The following NUP62CL variants were observed in gnomAD, a reference collection of about 807,000 sequenced individuals.
NUP62CL encodes the protein nucleoporin-62 C-terminal-like protein.
A neutral mutation model predicts 15.3 loss-of-function variants in NUP62CL; 13 were observed. The ratio of observed to expected loss-of-function variants is 0.85; its 90% CI spans 0.55 to 1.35. The LOEUF is 1.35. NUP62CL is among the 40% of genes most tolerant of loss of function. The probability of loss-of-function intolerance (pLI) is 0.00; values close to 1 mark genes in which losing one functional copy is unlikely to be tolerated. For missense variants in NUP62CL, 123 were observed against 130.6 expected, an observed-to-expected ratio of 0.94 and a Z score of 0.28; for synonymous variants, 54 against 49.2, an observed-to-expected ratio of 1.10 and a Z score of -0.41.
intron 1 of NUP62CL, among the ~76,000 whole-genome samples, chrX:107,200,311 A>G (rs1927448271): frequency 9.0e-6 from 1 of 111,325 alleles, no homozygotes; most frequent in Non-Finnish European, 1.9e-5. Flanking sequence ...TCAAATGTTA[A>G]AAGTGTGATA....
intron 2 of NUP62CL, among the ~76,000 whole-genome samples, chrX:107,191,664 C>T (rs985321366): frequency 1.8e-5 from 2 of 110,581 alleles, no homozygotes; most frequent in African/African-American, 3.3e-5. Flanking sequence ...GCCAAGATCA[C>T]GCCACTGCAA....
At chrX:107,172,854 G>A (rs1235122812) in intron 3 of NUP62CL, among the ~76,000 whole-genome samples, 2 of 111,506 alleles carry the variant, frequency 1.8e-5, no homozygotes, top group African/African-American at 6.5e-5. Flanking sequence ...TGTACTCTTT[G>A]GCAATCATCT....
intron 8 of NUP62CL, among the ~76,000 whole-genome samples, chrX:107,128,435 A>T (rs192708285): frequency 1.8e-3 from 199 of 112,077 alleles, no homozygotes; most frequent in African/African-American, 6.1e-3. Flanking sequence ...ATAAATTGAA[A>T]CCATATATTG....
At chrX:107,165,595 A>G (rs1223235392) in intron 4 of NUP62CL, among the ~76,000 whole-genome samples, 1 of 111,266 alleles carries the variant, frequency 9.0e-6, no homozygotes, top group African/African-American at 3.3e-5. Flanking sequence ...AGGAAACCAA[A>G]TTTTTAAAAA....
At chrX:107,160,782 G>A (rs1926344658) in intron 4 of NUP62CL, among the ~76,000 whole-genome samples, 1 of 111,177 alleles carries the variant, frequency 9.0e-6, no homozygotes, top group African/African-American at 3.3e-5. Context: ...TTGACAAATG[G>A]GATCTAATTA....
intron 1 of NUP62CL, among the ~76,000 whole-genome samples, chrX:107,203,910 A>C (rs1183710885): frequency 9.0e-6 from 1 of 111,619 alleles, no homozygotes; most frequent in African/African-American, 3.3e-5. Context: ...ATATAAAAGA[A>C]TTAGCTAAAC....
chrX:107,153,958 G>A (rs1363894778), intron 5 of NUP62CL, 138 bp downstream of exon 5: 14 of 544,832 alleles, frequency 2.6e-5, no homozygotes, highest in South Asian at 1.4e-4. Flanking sequence ...AGGTGATAGA[G>A]CAAGACCCTG....
rs1337116103 is a variant in NUP62CL, at chrX:107,124,277, G to A, written c.*98C>T. 2 of 341,459 alleles carry A rather than the reference G, an allele frequency of 5.9e-6. No homozygotes were observed. The highest frequency in any genetic ancestry group is 3.1e-5 in the Admixed American group (1 of 32,106). 28.1% of individuals were successfully genotyped at this position (341,459 alleles called of 1,213,427 possible). A position where few individuals can be genotyped will look rare whatever the true frequency, so the allele number is the denominator to read the frequency against. On this transcript the variant is annotated 3_prime_UTR_variant, in exon 9 of 9. Transcript: ENST00000372466. ...TGTTGACATTGTGTGCATGCTCCTC[G>A]TGACGATAATCCTCGAAAACCCGTG... is the stretch of plus-strand genomic sequence containing the variant.
rs1294267846 is a variant in NUP62CL, at chrX:107,193,025, C to T, written c.-48+4G>A. On this transcript the variant is annotated splice_donor_region_variant and intron_variant, in intron 2 of 8. Transcript: ENST00000372466. The stretch of plus-strand genomic sequence containing the variant: ...GTTTTTGCAGAGCCAAATAATGAAC[C>T]CACCTGTAAAGTTCCTCCAAAATTA... 1 of 111,013 alleles carries T rather than the reference C, an allele frequency of 9.0e-6. No homozygotes were observed. Among genetic ancestry groups the T allele is most frequent in the Non-Finnish European group, 1.9e-5 (1 of 53,029 alleles). The allele number at this position is 111,013 out of a possible 1,213,427, so 9.1% of individuals were successfully genotyped here.
At chrX:107,181,498 A>C (rs973965859) in intron 2 of NUP62CL, among the ~76,000 whole-genome samples, 1 of 111,266 alleles carries the variant, frequency 9.0e-6, no homozygotes, top group Non-Finnish European at 1.9e-5. Flanking sequence ...TTACAGGAAA[A>C]GAATAAATTT....
rs1451090590 is a variant in NUP62CL at position 107,160,762 on chromosome X, A to G, written c.195-6516T>C. Reference sequence around the variant, plus strand: ...CAAAACACCAAAAGCAATGGCAACCAAAGCCAAAATTGACAAATGGGATCT... The same window carrying G: ...CAAAACACCAAAAGCAATGGCAACCGAAGCCAAAATTGACAAATGGGATCT... On this transcript the variant is annotated intron_variant, in intron 4 of 8. Transcript: ENST00000372466. Among the ~76,000 whole-genome samples the G allele has an allele frequency of 3.6e-5, 4 of 111,450 alleles. No individual in the cohort carries two copies. In the South Asian group the frequency reaches 1.5e-3, roughly 43 times the overall value.
intron 2 of NUP62CL, among the ~76,000 whole-genome samples, chrX:107,182,409 A>G (rs1926940474): frequency 8.9e-6 from 1 of 112,410 alleles, no homozygotes; most frequent in Non-Finnish European, 1.9e-5. Flanking sequence ...GAAGGGTTCA[A>G]TATCACAATT....
At chrX:107,149,029 C>T (rs1298609950) in intron 7 of NUP62CL, among the ~76,000 whole-genome samples, 3 of 111,634 alleles carry the variant, frequency 2.7e-5, no homozygotes, top group African/African-American at 9.8e-5. Context: ...TGCAATCAAA[C>T]AGCAATTACC....
At chrX:107,152,351 C>A in intron 7 of NUP62CL, among the ~76,000 whole-genome samples, 1 of 106,957 alleles carries the variant, frequency 9.3e-6, no homozygotes, top group Non-Finnish European at 1.9e-5. Flanking sequence ...GAAAAATTCA[C>A]AAAGGTTGAA....
chrX:107,164,569 G>T (rs952874513), intron 4 of NUP62CL, among the ~76,000 whole-genome samples: 1 of 111,316 alleles, frequency 9.0e-6, no homozygotes, highest in Non-Finnish European at 1.9e-5. Context: ...TTTGGGAAGC[G>T]ATCGATAAAA....
intron 8 of NUP62CL, among the ~76,000 whole-genome samples, chrX:107,143,834 A>G (rs1925830539): frequency 8.9e-6 from 1 of 111,828 alleles, no homozygotes; most frequent in African/African-American, 3.2e-5. Context: ...TTCAGCATAC[A>G]TGATCCAATT....
chrX:107,162,415 C>T (rs189767343), intron 4 of NUP62CL, among the ~76,000 whole-genome samples: 49 of 110,700 alleles, frequency 4.4e-4, no homozygotes, highest in African/African-American at 1.0e-3. Context: ...CTCAAATCCA[C>T]GCTAAGACAC....
intron 8 of NUP62CL, among the ~76,000 whole-genome samples, chrX:107,126,574 A>G (rs1925391834): frequency 8.9e-6 from 1 of 112,295 alleles, no homozygotes; most frequent in South Asian, 3.7e-4. Context: ...CTTATAAGGT[A>G]CCAAGGCAAT....
rs1420637926 is a variant in NUP62CL, at chrX:107,160,472, C to T, written c.195-6226G>A. On this transcript the variant is annotated intron_variant, in intron 4 of 8. Transcript: ENST00000372466. Reference sequence around the variant, plus strand: ...AACAGAACAGAGCCCTCAGAAATAACGCCGCATACCTACAACTACCTGATC... The same window carrying T: ...AACAGAACAGAGCCCTCAGAAATAATGCCGCATACCTACAACTACCTGATC... Among the ~76,000 whole-genome samples the T allele has an allele frequency of 9.3e-5, 10 of 107,500 alleles. 1 individual carries two copies. Among genetic ancestry groups the T allele is most frequent in the Admixed American group, 2.0e-4 (2 of 9,974 alleles). The allele number at this position is 107,500 out of a possible 115,157, so 93.4% of individuals were successfully genotyped here. A position where few individuals can be genotyped will look rare whatever the true frequency, so the allele number is the denominator to read the frequency against.
Sources: allele counts gnomAD v4.1 joint callset (sites outside exome capture counted in the v4.1 genomes callset), GRCh38; gene constraint gnomAD v4.1.1; transcripts MANE v1.5; gene names NCBI Gene and HGNC (gene_info 2026-07-23, HGNC 2026-07-21).